Variants in ATP8A1 observed in about 807,000 individuals in gnomAD.
The protein encoded by ATP8A1 is phospholipid-transporting ATPase IA.
Under a neutral mutation model 177.7 loss-of-function variants are expected in ATP8A1, and 90 were observed. The observed-to-expected ratio is 0.51, with a 90% CI of 0.43 to 0.60. ATP8A1 has a LOEUF of 0.60. Among genes scored for constraint, ATP8A1 ranks in the 20% least tolerant of loss-of-function variants. The probability of loss-of-function intolerance (pLI) is 0.00; values close to 1 mark genes in which losing one functional copy is unlikely to be tolerated. For missense variants in ATP8A1, 1,072 were observed against 1,392.8 expected (o/e 0.77, Z 3.67); for synonymous variants, 493 against 485.9 (o/e 1.01, Z -0.19).
intron 25 of ATP8A1, among the ~76,000 whole-genome samples, chr4:42,467,884 T>C (rs1719961380): frequency 6.6e-6 from 1 of 152,224 alleles, no homozygotes; most frequent in Admixed American, 6.5e-5. Flanking sequence ...TTGAGTTCCT[T>C]GTAGACTCTG....
intron 34 of ATP8A1, 112 bp downstream of exon 34, chr4:42,423,505 T>A: frequency 1.7e-6 from 1 of 583,928 alleles, no homozygotes; most frequent in South Asian, 4.6e-5. Context: ...TAAGTAATAT[T>A]ACCAGTCCCT....
chr4:42,605,689 A>G (rs10032874), intron 5 of ATP8A1, among the ~76,000 whole-genome samples: 115,769 of 152,044 alleles, frequency 0.76, 44,476 homozygotes, highest in Non-Finnish European at 0.82. Flanking sequence ...TTCTCTCCAC[A>G]TTCAAACTTA....
chr4:42,507,804 A>AAC (rs1553890706), intron 22 of ATP8A1, among the ~76,000 whole-genome samples: 4 of 147,972 alleles, frequency 2.7e-5, no homozygotes, highest in African/African-American at 9.8e-5. Context: ...AAAAAAAAAA[A>AAC]AAAAACATAC....
At chr4:42,427,119 A>C (rs1446987115) in intron 33 of ATP8A1, among the ~76,000 whole-genome samples, 1 of 152,228 alleles carries the variant, frequency 6.6e-6, no homozygotes, top group Non-Finnish European at 1.5e-5. Context: ...AAAGCTTTAT[A>C]TAAAAGGCTT....
At chr4:42,587,659 T>G (rs1271446412) in intron 8 of ATP8A1, among the ~76,000 whole-genome samples, 2 of 148,914 alleles carry the variant, frequency 1.3e-5, no homozygotes. Flanking sequence ...CAGGCTGGAG[T>G]GCAGTGGCGC....
intron 24 of ATP8A1, among the ~76,000 whole-genome samples, chr4:42,499,247 G>C (rs1335250091): frequency 1.3e-5 from 2 of 152,106 alleles, no homozygotes; most frequent in Non-Finnish European, 1.5e-5. Context: ...TTTGAGGGTA[G>C]GAAATTTATG....
rs1387395759 is a variant in ATP8A1 at position 42,519,515 on chromosome 4, G to A, written c.1947+2645C>T. On this transcript the variant is annotated intron_variant, in intron 22 of 36. Coordinates refer to ENST00000381668, the MANE Select transcript of ATP8A1 (RefSeq NM_006095.2). ...AAAGCTTCCTTCAGGTCAAATTTGT[G>A]GGCCACCTTTTTGGGTTCCTTAAGA... Among the ~76,000 whole-genome samples the A allele has an allele frequency of 1.3e-5, 2 of 152,156 alleles. 1 individual carries two copies. Among genetic ancestry groups the A allele is most frequent in the Admixed American group, 1.3e-4 (2 of 15,270 alleles).
chr4:42,520,841 T>C (rs1008701249), intron 22 of ATP8A1, among the ~76,000 whole-genome samples: 24 of 152,170 alleles, frequency 1.6e-4, no homozygotes, highest in African/African-American at 5.8e-4. Context: ...CCTTACAAAA[T>C]ACAAAGGCTA....
chr4:42,413,143 C>G, intron 36 of ATP8A1, 130 bp from the exon 37 acceptor site: 1 of 680,498 alleles, frequency 1.5e-6, no homozygotes, highest in Non-Finnish European at 2.5e-6. Flanking sequence ...CATGGAGACA[C>G]TGATTTTTAA....
At chr4:42,579,447 AAT>A (rs1732798116) in intron 11 of ATP8A1, among the ~76,000 whole-genome samples, 1 of 148,372 alleles carries the variant, frequency 6.7e-6, no homozygotes, top group African/African-American at 2.4e-5. Context: ...TATATATTTA[AAT>A]ATATATGTTT....
intron 19 of ATP8A1, among the ~76,000 whole-genome samples, chr4:42,545,059 C>A (rs777436836): frequency 2.7e-5 from 4 of 150,516 alleles, no homozygotes; most frequent in Non-Finnish European, 5.9e-5. Flanking sequence ...ACTCAGGAGG[C>A]TGAGGCAGAA....
intron 33 of ATP8A1, among the ~76,000 whole-genome samples, chr4:42,435,443 A>AC (rs1560320392): frequency 2.8e-4 from 23 of 83,278 alleles, no homozygotes; most frequent in South Asian, 7.6e-4. Flanking sequence ...AAAAAAAAAA[A>AC]AAAAAACAAA....
chr4:42,454,585 A>C (rs1474542593), intron 29 of ATP8A1, among the ~76,000 whole-genome samples: 1 of 152,206 alleles, frequency 6.6e-6, no homozygotes, highest in Non-Finnish European at 1.5e-5. Context: ...TAAACAAGAA[A>C]TTGAATTATT....
At chr4:42,587,618 T>TG (rs1485152986) in intron 8 of ATP8A1, among the ~76,000 whole-genome samples, 3 of 149,220 alleles carry the variant, frequency 2.0e-5, no homozygotes, top group African/African-American at 4.9e-5. Context: ...CAGCTTTTTT[T>TG]TTTTTTGAGA....
At chr4:42,556,138 AC>A (rs1439381378) in intron 15 of ATP8A1, 98 bp from the exon 16 acceptor site, 6 of 705,390 alleles carry the variant, frequency 8.5e-6, no homozygotes, top group Non-Finnish European at 1.4e-5. Context: ...ATGTCTCCAA[AC>A]CCTCAATAAA....
intron 25 of ATP8A1, chr4:42,471,911 C>G (rs572587804): frequency 1.6e-6 from 1 of 644,140 alleles, no homozygotes; most frequent in Non-Finnish European, 3.0e-6. Flanking sequence ...GAGATAAACT[C>G]GGACCTCAAG....
At chr4:42,616,006 TGA>T (rs1560522556) in intron 5 of ATP8A1, 25 bp downstream of exon 5, 1 of 1,569,354 alleles carries the variant, frequency 6.4e-7, no homozygotes, top group Admixed American at 1.7e-5. Context: ...TTGACAAATA[TGA>T]GAAAAAAGCA....
intron 1 of ATP8A1, among the ~76,000 whole-genome samples, chr4:42,632,499 G>A (rs1738847478): frequency 6.6e-6 from 1 of 152,116 alleles, no homozygotes; most frequent in Non-Finnish European, 1.5e-5. Context: ...TCGTAAAATG[G>A]CCAAATGCTA....
At chr4:42,467,317 G>C (rs1560357161) in intron 25 of ATP8A1, among the ~76,000 whole-genome samples, 1 of 152,122 alleles carries the variant, frequency 6.6e-6, no homozygotes, top group African/African-American at 2.4e-5. Context: ...TAAGAAAAAA[G>C]AAAATGATAT....
Sources: allele counts gnomAD v4.1 joint callset (sites outside exome capture counted in the v4.1 genomes callset), GRCh38; gene constraint gnomAD v4.1.1; transcripts MANE v1.5; gene names NCBI Gene and HGNC (gene_info 2026-07-23, HGNC 2026-07-21).